The following SH3RF3 variants were observed in gnomAD, a reference collection of about 807,000 sequenced individuals.
SH3RF3 encodes the protein SH3 domain containing ring finger 3, also known as E3 ubiquitin-protein ligase SH3RF3.
In SH3RF3, 29 loss-of-function variants were observed where a neutral mutation model predicts 66.3. That is an observed-to-expected ratio of 0.44 (90% confidence interval 0.33 to 0.60). The LOEUF (loss-of-function observed/expected upper bound fraction) is 0.60. SH3RF3 is among the 20% of genes least tolerant of loss of function. SH3RF3 has a pLI of 0.04. For synonymous variants in SH3RF3, 583 were observed against 532.0 expected, an observed-to-expected ratio of 1.10 and a Z score of -1.32; for missense variants, 1,194 against 1,190.9, an observed-to-expected ratio of 1.00 and a Z score of -0.04.
chr2:109,203,314 G>A (rs1678728967), intron 1 of SH3RF3, among the ~76,000 whole-genome samples: 1 of 152,254 alleles, frequency 6.6e-6, no homozygotes, highest in East Asian at 1.9e-4. Flanking sequence ...GGTGGACGCA[G>A]CAGACAGTGG....
chr2:109,353,582 A>G (rs530080039), intron 2 of SH3RF3, among the ~76,000 whole-genome samples: 65 of 152,142 alleles, frequency 4.3e-4, no homozygotes, highest in African/African-American at 1.4e-3. Context: ...GCCCTGTGTC[A>G]CCTGGCCAGG....
intron 1 of SH3RF3, among the ~76,000 whole-genome samples, chr2:109,313,407 G>C (rs1681782668): frequency 6.6e-6 from 1 of 152,238 alleles, no homozygotes; most frequent in Non-Finnish European, 1.5e-5. Context: ...CATATTTTAA[G>C]ATGTGCTCAT....
At chr2:109,360,321 A>G (rs1683029491) in intron 2 of SH3RF3, among the ~76,000 whole-genome samples, 1 of 152,352 alleles carries the variant, frequency 6.6e-6, no homozygotes, top group Non-Finnish European at 1.5e-5. Context: ...TAGCATATAA[A>G]TCCAGAGTCA....
rs1374596077 is a variant in SH3RF3 at position 109,129,439 on chromosome 2, C to T, written c.-102C>T. ...CCAGCCGGGGTGAAGAAAGTCACGG[C>T]GGAGCCCGGCTCCCCAGTCCTGATG... On this transcript the variant is annotated 5_prime_UTR_variant, in exon 1 of 10. Coordinates refer to ENST00000309415, the MANE Select transcript of SH3RF3 (RefSeq NM_001099289.3). The T allele has an allele frequency of 5.4e-6, 8 of 1,484,738 alleles. No individual in the cohort carries two copies. Among genetic ancestry groups the T allele is most frequent in the East Asian group, 5.5e-5 (2 of 36,354 alleles). 92.0% of individuals were successfully genotyped at this position (1,484,738 alleles called of 1,614,324 possible). A position where few individuals can be genotyped will look rare whatever the true frequency, so the allele number is the denominator to read the frequency against.
At chr2:109,449,592 G>A in intron 8 of SH3RF3, 103 bp downstream of exon 8, 2 of 1,407,176 alleles carry the variant, frequency 1.4e-6, no homozygotes, top group Non-Finnish European at 1.9e-6. Flanking sequence ...AAGCTAGAAT[G>A]TGGGCTCCAA....
At chr2:109,501,170 G>A (rs1043772630) in intron 9 of SH3RF3, among the ~76,000 whole-genome samples, 6 of 152,080 alleles carry the variant, frequency 3.9e-5, no homozygotes, top group South Asian at 2.1e-4. Flanking sequence ...CTGGGAGGCC[G>A]CAGTCTAGGT....
rs1178568392 is a variant in SH3RF3 at position 109,146,571 on chromosome 2, C to T, written c.573+16458C>T. ...TCCAAGAAGCCTACCTCTGAATGCA[C>T]GCTCTCCCCAGCACCACCTTCAGGC... On this transcript the variant is annotated intron_variant, in intron 1 of 9. Coordinates refer to ENST00000309415, the MANE Select transcript of SH3RF3 (RefSeq NM_001099289.3). Among the ~76,000 whole-genome samples the T allele has an allele frequency of 2.0e-5, 3 of 152,226 alleles. No individual in the cohort carries two copies. In the East Asian group the frequency reaches 5.8e-4, roughly 30 times the overall value.
At chr2:109,372,155 A>G (rs778131942) in intron 3 of SH3RF3, among the ~76,000 whole-genome samples, 5 of 152,262 alleles carry the variant, frequency 3.3e-5, no homozygotes, top group Non-Finnish European at 5.9e-5. Context: ...GTTATTGGGC[A>G]ACTCTTCTGC....
At chr2:109,133,734 T>G (rs1346218735) in intron 1 of SH3RF3, among the ~76,000 whole-genome samples, 2 of 152,074 alleles carry the variant, frequency 1.3e-5, no homozygotes, top group Non-Finnish European at 2.9e-5. Flanking sequence ...TTTTTTTTTT[T>G]TTTTTTTGCA....
chr2:109,145,811 G>A (rs1677083962), intron 1 of SH3RF3, among the ~76,000 whole-genome samples: 1 of 152,210 alleles, frequency 6.6e-6, no homozygotes, highest in Non-Finnish European at 1.5e-5. Context: ...CAGGGGTGTA[G>A]TGGCCAGTGG....
At chr2:109,251,581 CAG>C in intron 1 of SH3RF3, 1 of 908,416 alleles carries the variant, frequency 1.1e-6, no homozygotes, top group Non-Finnish European at 1.9e-6. Flanking sequence ...TGGTGGGCAA[CAG>C]AACAATATTG....
chr2:109,357,357 A>G (rs1433906921), intron 2 of SH3RF3, among the ~76,000 whole-genome samples: 5 of 151,990 alleles, frequency 3.3e-5, no homozygotes, highest in Non-Finnish European at 7.4e-5. Context: ...AATTTTGTGT[A>G]TTTTTAGTAG....
intron 1 of SH3RF3, among the ~76,000 whole-genome samples, chr2:109,213,912 C>CA (rs1679050100): frequency 6.6e-6 from 1 of 152,164 alleles, no homozygotes; most frequent in South Asian, 2.1e-4. Flanking sequence ...ACACTGGTGT[C>CA]AGAGTGTGGA....
intron 1 of SH3RF3, among the ~76,000 whole-genome samples, chr2:109,176,141 G>C (rs1677907970): frequency 6.6e-6 from 1 of 152,220 alleles, no homozygotes; most frequent in African/African-American, 2.4e-5. Context: ...ACTTGGCCCA[G>C]TGCTAAATCT....
chr2:109,335,266 G>GA (rs1395135286), intron 1 of SH3RF3, among the ~76,000 whole-genome samples: 1 of 152,252 alleles, frequency 6.6e-6, no homozygotes, highest in Non-Finnish European at 1.5e-5. Context: ...TCCCACACGA[G>GA]AACGGCTCTT....
intron 1 of SH3RF3, among the ~76,000 whole-genome samples, chr2:109,346,480 C>T (rs1682702465): frequency 6.6e-6 from 1 of 152,100 alleles, no homozygotes; most frequent in African/African-American, 2.4e-5. Flanking sequence ...GTAGGAAAAT[C>T]GTTGGGTATT....
At chr2:109,425,374 A>G (rs1676999108) in intron 5 of SH3RF3, among the ~76,000 whole-genome samples, 1 of 152,080 alleles carries the variant, frequency 6.6e-6, no homozygotes, top group Non-Finnish European at 1.5e-5. Context: ...ACACTAAACA[A>G]CAGATTTTCA....
At chr2:109,350,560 C>T (rs1682816223) in intron 2 of SH3RF3, among the ~76,000 whole-genome samples, 1 of 152,192 alleles carries the variant, frequency 6.6e-6, no homozygotes, top group South Asian at 2.1e-4. Context: ...CCCCTGCTAC[C>T]TGTTCTGTCC....
chr2:109,449,601 A>T, intron 8 of SH3RF3, 112 bp downstream of exon 8: 1 of 1,339,646 alleles, frequency 7.5e-7, no homozygotes, highest in Non-Finnish European at 1.0e-6. Context: ...TGTGGGCTCC[A>T]AGTGCCTGCC....
Sources: allele counts gnomAD v4.1 joint callset (sites outside exome capture counted in the v4.1 genomes callset), GRCh38; gene constraint gnomAD v4.1.1; transcripts MANE v1.5; gene names NCBI Gene and HGNC (gene_info 2026-07-23, HGNC 2026-07-21).